ARHGAP29: variants seen among roughly 807,000 people sequenced by gnomAD.
ARHGAP29 encodes the protein Rho GTPase activating protein 29.
Under a neutral mutation model 122.6 loss-of-function variants are expected in ARHGAP29, and 43 were observed. The ratio of observed to expected loss-of-function variants is 0.35; its 90% CI spans 0.27 to 0.45. ARHGAP29 has a LOEUF of 0.45. Among genes scored for constraint, ARHGAP29 ranks in the 20% least tolerant of loss-of-function variants. The pLI is 1.00. For missense variants in ARHGAP29, 1,303 were observed against 1,477.2 expected (o/e 0.88, Z 1.93); for synonymous variants, 506 against 497.1 (o/e 1.02, Z -0.24).
chr1:94,305,004 G>A, the ARHGAP29 span, among the ~76,000 whole-genome samples: 1 of 152,200 alleles, frequency 6.6e-6, no homozygotes, highest in South Asian at 2.1e-4. Context: ...AGAGCAACCA[G>A]AGATGAGGCA....
intron 8 of ARHGAP29, 83 bp from the exon 9 acceptor site, chr1:94,203,293 G>A: frequency 5.3e-6 from 5 of 943,144 alleles, no homozygotes; most frequent in Non-Finnish European, 7.6e-6. Context: ...CTTCAAAAAG[G>A]GAAACTAAGT....
intron 1 of ARHGAP29, among the ~76,000 whole-genome samples, chr1:94,266,776 G>A (rs1220551315): frequency 2.6e-5 from 4 of 152,174 alleles, no homozygotes. Context: ...TAAGTGACTT[G>A]AATCAAACTT....
chr1:94,179,592 CAAAAAAAA>C (rs67114194), intron 20 of ARHGAP29, 125 bp downstream of exon 20: 80 of 220,854 alleles, frequency 3.6e-4, no homozygotes, highest in South Asian at 8.3e-4. Flanking sequence ...GACTCTGTCT[CAAAAAAAA>C]AAAAAAAAAA....
intron 1 of ARHGAP29, among the ~76,000 whole-genome samples, chr1:94,242,749 C>T (rs1428994916): frequency 6.6e-6 from 1 of 151,624 alleles, no homozygotes; most frequent in Non-Finnish European, 1.5e-5. Flanking sequence ...ATATAAACAG[C>T]CCAATAAAAA....
chr1:94,187,030 CA>C (rs780439508), intron 15 of ARHGAP29, among the ~76,000 whole-genome samples: 30 of 152,132 alleles, frequency 2.0e-4, no homozygotes, highest in African/African-American at 7.2e-4. Context: ...CTACAACATA[CA>C]AAAATCTTTG....
intron 1 of ARHGAP29, among the ~76,000 whole-genome samples, chr1:94,269,893 G>C (rs1044957800): frequency 2.6e-5 from 4 of 152,138 alleles, no homozygotes; most frequent in Admixed American, 6.6e-5. Context: ...TGGGGGGTCT[G>C]CTGGGCCCAT....
the ARHGAP29 span, among the ~76,000 whole-genome samples, chr1:94,293,301 A>G: frequency 6.6e-6 from 1 of 152,186 alleles, no homozygotes; most frequent in Non-Finnish European, 1.5e-5. Flanking sequence ...ACGGGAGGGA[A>G]TCTCCTGGTC....
Position 94,207,579 on chromosome 1 carries a change from A to G in ARHGAP29, c.510+1253T>C, listed in dbSNP as rs188642567. Among the ~76,000 whole-genome samples, 743 of 152,300 alleles carry G rather than the reference A, an allele frequency of 4.9e-3. 3 individuals are homozygous for G. Among genetic ancestry groups the G allele is most frequent in the Non-Finnish European group, 7.2e-3 (488 of 68,018 alleles). On this transcript the variant is annotated intron_variant, in intron 5 of 22. Coordinates refer to ENST00000260526, the MANE Select transcript of ARHGAP29 (RefSeq NM_004815.4). ...ACAGATAAAATGTGTAATCTTCTGA[A>G]GTAGTAGCAACAGTTTGAAAAGATA...
intron 1 of ARHGAP29, among the ~76,000 whole-genome samples, chr1:94,252,688 C>T (rs115735669): frequency 0.011 from 1,640 of 151,208 alleles, 31 homozygotes; most frequent in African/African-American, 0.037. Context: ...CCCATGGCCT[C>T]GTAAGTATTC....
intron 19 of ARHGAP29, among the ~76,000 whole-genome samples, chr1:94,181,002 G>A (rs184764487): frequency 1.8e-4 from 27 of 152,246 alleles, no homozygotes; most frequent in Non-Finnish European, 3.2e-4. Flanking sequence ...GTAGTTTCCT[G>A]GGCTAACATG....
chr1:94,209,748 A>G lies in ARHGAP29; in HGVS notation c.341-398T>C, dbSNP rs190874931. Among the ~76,000 whole-genome samples, 264 of 152,322 alleles carry G rather than the reference A, an allele frequency of 1.7e-3. 1 individual carries two copies. The highest frequency in any genetic ancestry group is 3.1e-3 in the Non-Finnish European group (212 of 68,024). ...TTTAAAAAACAGCTAAACACACTGT[A>G]GCTCACTGAAGGCAATATGAGGTAC... On this transcript the variant is annotated intron_variant, in intron 3 of 22. Transcript: ENST00000260526.
intron 1 of ARHGAP29, among the ~76,000 whole-genome samples, chr1:94,268,014 C>G (rs1654839199): frequency 6.6e-6 from 1 of 152,074 alleles, no homozygotes; most frequent in Admixed American, 6.6e-5. Context: ...CTTTCTGTAG[C>G]TCTCTTCATT....
chr1:94,281,545 G>A, the ARHGAP29 span, among the ~76,000 whole-genome samples: 4 of 152,280 alleles, frequency 2.6e-5, no homozygotes, highest in East Asian at 5.8e-4. Context: ...CAAAGCATTC[G>A]TCACTCTGGT....
At chr1:94,282,323 G>A in the ARHGAP29 span, among the ~76,000 whole-genome samples, 9 of 151,538 alleles carry the variant, frequency 5.9e-5, no homozygotes, top group East Asian at 1.6e-3. Flanking sequence ...GTCTCCCTCT[G>A]TCACCCAGGC....
Position 94,208,861 on chromosome 1 carries a change from A to G in ARHGAP29, c.481T>C (p.Leu161=), listed in dbSNP as rs1390173552. The change falls in exon 5 of 23, where the codon TTG becomes CTG. Residue 161 remains leucine (L), a synonymous_variant. Coordinates refer to ENST00000260526, the MANE Select transcript of ARHGAP29 (RefSeq NM_004815.4). ...LMGDVGNDSL[L]RLPVSRETKS... ...GTTTCTCGAGAAACAGGCAGTCGCA[A>G]TAATGAATCATTGCCTACATCTCCC... The G allele has an allele frequency of 4.3e-6, 7 of 1,614,000 alleles. No individual in the cohort carries two copies. In the Admixed American group the frequency reaches 8.3e-5, roughly 19 times the overall value.
intron 15 of ARHGAP29, among the ~76,000 whole-genome samples, chr1:94,187,983 A>G (rs766005833): frequency 2.0e-5 from 3 of 152,168 alleles, no homozygotes; most frequent in Non-Finnish European, 4.4e-5. Flanking sequence ...GCAATATGTA[A>G]AAGAAGAAAA....
At chr1:94,296,633 C>G in the ARHGAP29 span, among the ~76,000 whole-genome samples, 9 of 152,144 alleles carry the variant, frequency 5.9e-5, no homozygotes, top group African/African-American at 2.2e-4. Context: ...TCCCCATAGC[C>G]AAACCCCACC....
At chr1:94,247,818 G>C (rs576104053) in intron 1 of ARHGAP29, 3 of 265,262 alleles carry the variant, frequency 1.1e-5, no homozygotes, top group East Asian at 1.8e-4. Context: ...CGCGCTCCCG[G>C]GGGGCGGGGT....
At chr1:94,233,264 T>C (rs1352015059) in intron 1 of ARHGAP29, among the ~76,000 whole-genome samples, 1 of 152,138 alleles carries the variant, frequency 6.6e-6, no homozygotes, top group African/African-American at 2.4e-5. Flanking sequence ...ACTAGGAAGT[T>C]TTATGTAATA....
Sources: allele counts gnomAD v4.1 joint callset (sites outside exome capture counted in the v4.1 genomes callset), GRCh38; gene constraint gnomAD v4.1.1; transcripts MANE v1.5; gene names NCBI Gene and HGNC (gene_info 2026-07-23, HGNC 2026-07-21).